The following SLC22A13 variants were observed in gnomAD, a reference collection of about 807,000 sequenced individuals.
SLC22A13 encodes the protein organic anion transporter 10.
SLC22A13 carries 42 observed loss-of-function variants against 49.1 expected under a neutral mutation model. The observed-to-expected ratio is 0.85, with a 90% CI of 0.67 to 1.11. The LOEUF is 1.11. Ranked by LOEUF, SLC22A13 falls within the 50% of genes least tolerant of loss-of-function variation. The probability of loss-of-function intolerance (pLI) is 0.00; values close to 1 mark genes in which losing one functional copy is unlikely to be tolerated. For missense variants in SLC22A13, 694 were observed against 712.8 expected (o/e 0.97, Z 0.30); for synonymous variants, 282 against 293.1 (o/e 0.96, Z 0.39).
In SLC22A13 at chr3:38,276,269, C is replaced by T; in HGVS notation, c.1238-18C>T. The T allele has an allele frequency of 6.3e-7, 1 of 1,597,844 alleles. No homozygotes were observed. ...CGGCGTCAGGGCCCAGGTGATGGGG[C>T]TGTCTACCCTCTGCCAGATCTGCCC... On this transcript the variant is annotated intron_variant, in intron 7 of 9. Transcript: ENST00000311856.
chr3:38,275,184 G>C (rs1559537795), intron 4 of SLC22A13, 27 bp downstream of exon 4: 7 of 1,612,780 alleles, frequency 4.3e-6, no homozygotes, highest in South Asian at 2.2e-5. Context: ...CCAGGAGCAA[G>C]CCCCCCCAGG....
At chr3:38,277,152 C>T in intron 9 of SLC22A13, 25 bp downstream of exon 9, 1 of 1,526,660 alleles carries the variant, frequency 6.6e-7, no homozygotes. Context: ...TGCACTGAAA[C>T]CACGACTTGG....
Position 38,276,950 on chromosome 3 carries a change from T to A in SLC22A13, c.1385T>A (p.Ile462Asn), listed in dbSNP as rs772244752. 4.3e-6 allele frequency: 7 copies of A among 1,613,862 alleles called. No homozygotes were observed. Among genetic ancestry groups the A allele is most frequent in the East Asian group, 2.2e-5 (1 of 44,862 alleles). The stretch of plus-strand genomic sequence containing the variant: ...GGGCTGGTGGGCATCTTCTCACGGA[T>A]CGGGGGCATCCTCACACCACTTGTG... ...GMGLVGIFSR[I>N]GGILTPLVIL... Residue 462 changes from isoleucine (I) to asparagine (N), a missense_variant, in exon 9 of 10, where the codon ATC (isoleucine) becomes AAC (asparagine). Ile to Asn is a moderately radical substitution (Grantham distance 149). Coordinates refer to ENST00000311856, the MANE Select transcript of SLC22A13 (RefSeq NM_004256.4).
chr3:38,276,459 C>A, intron 8 of SLC22A13, 64 bp downstream of exon 8: 2 of 1,165,600 alleles, frequency 1.7e-6, no homozygotes, highest in South Asian at 1.3e-5. Context: ...TGTCCCTCCT[C>A]GGCCCTCACC....
At chr3:38,275,838 G>A in intron 6 of SLC22A13, 44 bp from the exon 7 acceptor site, 1 of 1,578,474 alleles carries the variant, frequency 6.3e-7, no homozygotes, top group Non-Finnish European at 8.7e-7. Flanking sequence ...TCTGGGTGGT[G>A]TCTCGTCACC....
chr3:38,269,090 T>A lies in SLC22A13; in HGVS notation c.378+2852T>A, dbSNP rs559332539. On this transcript the variant is annotated intron_variant, in intron 1 of 9. Coordinates refer to ENST00000311856, the MANE Select transcript of SLC22A13 (RefSeq NM_004256.4). ...CCTTGCTTTTAAGCAAACAAAAAAATTTTTTGAAGCAACAGAACAAACGAG... is the reference window on the plus strand; with the variant it reads ...CCTTGCTTTTAAGCAAACAAAAAAAATTTTTGAAGCAACAGAACAAACGAG... 2.6e-5 allele frequency among the ~76,000 whole-genome samples: 4 copies of A among 152,246 alleles called. No individual in the cohort carries two copies. In the South Asian group the frequency reaches 8.3e-4, roughly 32 times the overall value.
chr3:38,272,322 C>T (rs760886552), intron 1 of SLC22A13, among the ~76,000 whole-genome samples: 1 of 152,238 alleles, frequency 6.6e-6, no homozygotes, highest in African/African-American at 2.4e-5. Flanking sequence ...CAGCCTCACC[C>T]TACATAACAG....
At chr3:38,273,405 G>A (rs1703542748) in intron 1 of SLC22A13, among the ~76,000 whole-genome samples, 2 of 152,090 alleles carry the variant, frequency 1.3e-5, no homozygotes, top group African/African-American at 4.8e-5. Context: ...CCCTCTGTGT[G>A]TGCGTGTGTA....
At chr3:38,274,226 C>T (rs984407877) in intron 1 of SLC22A13, 46 bp from the exon 2 acceptor site, 1 of 1,410,040 alleles carries the variant, frequency 7.1e-7, no homozygotes, top group Middle Eastern at 1.8e-4. Flanking sequence ...GTAGGGCTTG[C>T]CCTCCTTGCA....
chr3:38,277,749 G>T lies in SLC22A13; in HGVS notation c.*284G>T, dbSNP rs1223607084. The T allele has an allele frequency of 1.7e-5, 5 of 292,884 alleles. No homozygotes were observed. The Admixed American group carries it at 1.9e-4, about 11-fold the overall frequency. The allele number at this position is 292,884 out of a possible 1,614,324, so 18.1% of individuals were successfully genotyped here. On this transcript the variant is annotated 3_prime_UTR_variant, in exon 10 of 10. Coordinates refer to ENST00000311856, the MANE Select transcript of SLC22A13 (RefSeq NM_004256.4). ...CTTGGGTATGTCTTGGAATTAACTTGTCCTCTAACAATCTTCATGGGGTAT... is the reference window on the plus strand; with the variant it reads ...CTTGGGTATGTCTTGGAATTAACTTTTCCTCTAACAATCTTCATGGGGTAT...
At chr3:38,271,500 C>T (rs1376991358) in intron 1 of SLC22A13, among the ~76,000 whole-genome samples, 5 of 143,412 alleles carry the variant, frequency 3.5e-5, no homozygotes, top group East Asian at 2.0e-4. Flanking sequence ...AGTAGTAAGC[C>T]GTATTCATGC....
chr3:38,276,492 GGCTGGCTCTGGGGCA>G, intron 8 of SLC22A13, 97 bp downstream of exon 8: 1 of 861,868 alleles, frequency 1.2e-6, no homozygotes, highest in Non-Finnish European at 1.9e-6. Flanking sequence ...TAGCTGACAG[GGCTGGCTCTGGGGCA>G]GCAGTGCTGG....
chr3:38,273,471 C>T (rs763753103), intron 1 of SLC22A13, among the ~76,000 whole-genome samples: 4 of 152,118 alleles, frequency 2.6e-5, no homozygotes, highest in Non-Finnish European at 4.4e-5. Flanking sequence ...TGTGAGGGCT[C>T]CTTAGGATTC....
chr3:38,277,540 C>A lies in SLC22A13; in HGVS notation c.*75C>A. The stretch of plus-strand genomic sequence containing the variant: ...CCTCCTTGGATATGGCCAGGACCCA[C>A]AGGGACACAGGGCAAGACCAGCCTT... On this transcript the variant is annotated 3_prime_UTR_variant, in exon 10 of 10. Coordinates refer to ENST00000311856, the MANE Select transcript of SLC22A13 (RefSeq NM_004256.4). 9.2e-7 allele frequency: 1 copy of A among 1,086,262 alleles called. No homozygotes were observed. Among genetic ancestry groups the A allele is most frequent in the Non-Finnish European group, 1.4e-6 (1 of 724,556 alleles). 67.3% of individuals were successfully genotyped at this position (1,086,262 alleles called of 1,614,324 possible). A position where few individuals can be genotyped will look rare whatever the true frequency, so the allele number is the denominator to read the frequency against.
Position 38,277,636 on chromosome 3 carries a change from GAA to G in SLC22A13, c.*172_*173del. On this transcript the variant is annotated 3_prime_UTR_variant, in exon 10 of 10. Transcript: ENST00000311856. ...CCTGCCGAGTCCAATCCCAGACTGG[GAA>G]CCACCATCTGAGACAGGACCTCCCG... The G allele has an allele frequency of 1.8e-6, 1 of 543,902 alleles. No individual in the cohort carries two copies. Among genetic ancestry groups the G allele is most frequent in the Admixed American group, 3.3e-5 (1 of 30,718 alleles). The allele number at this position is 543,902 out of a possible 1,614,324, so 33.7% of individuals were successfully genotyped here. A position where few individuals can be genotyped will look rare whatever the true frequency, so the allele number is the denominator to read the frequency against.
chr3:38,270,723 A>G (rs1703511245), intron 1 of SLC22A13: 1 of 167,886 alleles, frequency 6.0e-6, no homozygotes, highest in East Asian at 1.6e-4. Context: ...GGTATGTTTT[A>G]CCAATGGCAT....
intron 8 of SLC22A13, 80 bp downstream of exon 8, chr3:38,276,475 C>A: frequency 2.0e-6 from 2 of 980,356 alleles, no homozygotes; most frequent in Non-Finnish European, 3.1e-6. Flanking sequence ...TCACCCCATT[C>A]CACAAATAGC....
At position 38,266,128 on chromosome 3, in the gene SLC22A13, C is replaced by T. The variant is rs572669803; in HGVS notation, c.268C>T (p.Pro90Ser). Residue 90 changes from proline (P) to serine (S), a missense_variant, in exon 1 of 10, where the codon CCC (proline) becomes TCC (serine). Pro to Ser is a moderately conservative substitution (Grantham distance 74, BLOSUM62 -1). Transcript: ENST00000311856. ...GCCCTGCCTCATGTTCCGGCCACCC[C>T]CCGCCAATGCCAGCCTGCAGGACAT... The part of the protein sequence containing the change: ...PEPCLMFRPP[P>S]ANASLQDILS... The T allele has an allele frequency of 6.2e-7, 1 of 1,614,174 alleles. No homozygotes were observed. Among genetic ancestry groups the T allele is most frequent in the South Asian group, 1.1e-5 (1 of 91,084 alleles).
rs1355667947 is a variant in SLC22A13, at chr3:38,276,091, C to T, written c.1232C>T (p.Pro411Leu). 4 of 1,612,756 alleles carry T rather than the reference C, an allele frequency of 2.5e-6. No individual in the cohort carries two copies. The highest frequency in any genetic ancestry group is 3.4e-6 in the Non-Finnish European group (4 of 1,179,328). Residue 411 changes from proline (P) to leucine (L), a missense_variant, in exon 7 of 10, where the codon CCA becomes CTA. Physicochemically the swap from Pro to Leu is moderately conservative, Grantham distance 98. Coordinates refer to ENST00000311856, the MANE Select transcript of SLC22A13 (RefSeq NM_004256.4). Reference protein sequence around the residue: ...GLMCIIIIFIPADLPVVVTML... With the variant: ...GLMCIIIIFILADLPVVVTML... ...ATGTGTATCATCATCATCTTCATCC[C>T]AGCAGGTATCAGGGCTGGCTATCCC...
Sources: gnomAD v4.1 joint callset for allele counts (sites outside exome capture counted in the v4.1 genomes callset) on GRCh38, gnomAD v4.1.1 for gene constraint, MANE v1.5 for transcripts, NCBI Gene and HGNC (gene_info 2026-07-23, HGNC 2026-07-21) for gene names.